Variants in EXT1 observed in about 807,000 individuals in gnomAD.
EXT1 encodes the protein exostosin glycosyltransferase 1.
Under a neutral mutation model 82.5 loss-of-function variants are expected in EXT1, and 20 were observed. That is an observed-to-expected ratio of 0.24 (90% CI 0.17 to 0.35). The LOEUF (loss-of-function observed/expected upper bound fraction) is 0.35. EXT1 is among the 10% of genes least tolerant of loss of function. The probability of loss-of-function intolerance (pLI) is 1.00; values close to 1 mark genes in which losing one functional copy is unlikely to be tolerated. For synonymous variants in EXT1, 348 were observed against 350.8 expected (o/e 0.99, Z 0.09); for missense variants, 757 against 936.5 (o/e 0.81, Z 2.50).
At chr8:117,960,376 C>T (rs960836794) in intron 1 of EXT1, among the ~76,000 whole-genome samples, 2 of 152,164 alleles carry the variant, frequency 1.3e-5, no homozygotes, top group African/African-American at 4.8e-5. Context: ...CATTTTAACT[C>T]CACCTCAACT....
intron 1 of EXT1, among the ~76,000 whole-genome samples, chr8:117,884,607 T>C (rs947992974): frequency 6.6e-6 from 1 of 152,238 alleles, no homozygotes; most frequent in South Asian, 2.1e-4. Context: ...ACAGTCTCTA[T>C]ACTTTTCTTA....
At chr8:117,994,221 T>C (rs1292280857) in intron 1 of EXT1, among the ~76,000 whole-genome samples, 3 of 152,210 alleles carry the variant, frequency 2.0e-5, no homozygotes, top group African/African-American at 7.2e-5. Flanking sequence ...GAATACGTCA[T>C]CATCATAAGA....
At chr8:117,932,341 T>C (rs553276919) in intron 1 of EXT1, among the ~76,000 whole-genome samples, 3 of 152,302 alleles carry the variant, frequency 2.0e-5, no homozygotes, top group South Asian at 2.1e-4. Context: ...TTTACAGATT[T>C]ACCTGGTAAA....
chr8:117,964,052 T>G (rs1036542182), intron 1 of EXT1, among the ~76,000 whole-genome samples: 5 of 152,214 alleles, frequency 3.3e-5, no homozygotes, highest in African/African-American at 1.2e-4. Context: ...CAGTATTAAG[T>G]AGAAACCACT....
chr8:117,976,353 C>T (rs6999997), intron 1 of EXT1, among the ~76,000 whole-genome samples: 33 of 152,180 alleles, frequency 2.2e-4, no homozygotes, highest in African/African-American at 7.5e-4. Flanking sequence ...ATAAATAGTC[C>T]CAAACTGGAG....
At chr8:117,831,725 G>A in intron 3 of EXT1, 3 of 467,830 alleles carry the variant, frequency 6.4e-6, no homozygotes, top group South Asian at 3.1e-5. Context: ...GACTAAGACT[G>A]TAACAGAGTT....
At chr8:118,027,313 T>TCACACA (rs71307421) in intron 1 of EXT1, among the ~76,000 whole-genome samples, 168 of 145,516 alleles carry the variant, frequency 1.2e-3, no homozygotes, top group South Asian at 2.9e-3. Flanking sequence ...TCAGTTTCTT[T>TCACACA]CACACACACA....
rs188692805 is a variant in EXT1, at chr8:117,886,774, G to A, written c.963-49573C>T. On this transcript the variant is annotated intron_variant, in intron 1 of 10. Transcript: ENST00000378204. ...CCATTCCCATTTGTCAATTTCAGAA[G>A]GGGTGGTTTCTACCTGCTATGAAGT... Among the ~76,000 whole-genome samples, 1,040 of 152,280 alleles carry A rather than the reference G, an allele frequency of 6.8e-3. 12 individuals carry two copies. Among genetic ancestry groups the A allele is most frequent in the African/African-American group, 0.024 (993 of 41,550 alleles).
chr8:117,860,197 G>C (rs992436673), intron 1 of EXT1, among the ~76,000 whole-genome samples: 1 of 144,520 alleles, frequency 6.9e-6, no homozygotes. Flanking sequence ...CATGCCTTTT[G>C]TAGCAACATG....
intron 5 of EXT1, among the ~76,000 whole-genome samples, chr8:117,822,053 C>A (rs1020417862): frequency 6.6e-6 from 1 of 152,030 alleles, no homozygotes; most frequent in African/African-American, 2.4e-5. Context: ...TTAGTTATTT[C>A]TCCTTTCCTC....
chr8:117,993,818 A>C (rs1012495688), intron 1 of EXT1, among the ~76,000 whole-genome samples: 1 of 152,220 alleles, frequency 6.6e-6, no homozygotes, highest in African/African-American at 2.4e-5. Flanking sequence ...CTTGCGGAGA[A>C]TACTTCAGGA....
intron 5 of EXT1, among the ~76,000 whole-genome samples, chr8:117,822,174 T>C (rs940567303): frequency 2.0e-5 from 3 of 152,174 alleles, no homozygotes; most frequent in Non-Finnish European, 2.9e-5. Context: ...AGCTAACCCA[T>C]TGCCATGTTC....
At chr8:117,856,248 TTTTC>T (rs1380517898) in intron 1 of EXT1, among the ~76,000 whole-genome samples, 3 of 149,988 alleles carry the variant, frequency 2.0e-5, no homozygotes, top group Admixed American at 1.3e-4. Context: ...GAGTAAGGCT[TTTTC>T]TTTTTTTTTT....
At chr8:117,969,021 C>G (rs147519208) in intron 1 of EXT1, among the ~76,000 whole-genome samples, 4 of 152,146 alleles carry the variant, frequency 2.6e-5, no homozygotes, top group Non-Finnish European at 4.4e-5. Context: ...AAAGCAGACC[C>G]AGTCCAGAGG....
intron 1 of EXT1, among the ~76,000 whole-genome samples, chr8:118,058,545 CTGTT>C (rs1298519561): frequency 2.6e-5 from 4 of 152,150 alleles, no homozygotes; most frequent in African/African-American, 7.2e-5. Context: ...ACATCTAAGA[CTGTT>C]TGGAGTTCAT....
At chr8:118,011,086 T>G (rs1036420342) in intron 1 of EXT1, among the ~76,000 whole-genome samples, 2 of 145,172 alleles carry the variant, frequency 1.4e-5, no homozygotes, top group Non-Finnish European at 3.1e-5. Flanking sequence ...CTATGGCTAT[T>G]TGTCAGCATA....
chr8:117,858,766 A>AAGGAAGGAAGGAAGGAAGGCAGGCAGGC (rs1289892313), intron 1 of EXT1, among the ~76,000 whole-genome samples: 2 of 54,674 alleles, frequency 3.7e-5, no homozygotes, highest in African/African-American at 2.0e-4. Flanking sequence ...GGAAGGAAGG[A>AAGGAAGGAAGGAAGGAAGGCAGGCAGGC]AGGCAGGCAG....
At position 117,822,463 on chromosome 8, in the gene EXT1, A is replaced by G; in HGVS notation, c.1417+2T>C. On this transcript the variant is annotated splice_donor_variant, in intron 5 of 10. Transcript: ENST00000378204. LOFTEE classifies it high-confidence loss of function. ...GCAACTCCCTGGAGGAAATTCACTT[A>G]CCTAAATTAGCATAGTAGTAAGGAA... The G allele has an allele frequency of 6.2e-7, 1 of 1,612,984 alleles. No individual in the cohort carries two copies. Among genetic ancestry groups the G allele is most frequent in the Non-Finnish European group, 8.5e-7 (1 of 1,179,670 alleles).
intron 1 of EXT1, among the ~76,000 whole-genome samples, chr8:117,969,687 G>A (rs1814899110): frequency 6.6e-6 from 1 of 152,234 alleles, no homozygotes; most frequent in East Asian, 1.9e-4. Flanking sequence ...GCAGTGGTGT[G>A]TGTGTGTGCG....
Sources: gnomAD v4.1 joint callset for allele counts (sites outside exome capture counted in the v4.1 genomes callset) on GRCh38, gnomAD v4.1.1 for gene constraint, MANE v1.5 for transcripts, NCBI Gene and HGNC (gene_info 2026-07-23, HGNC 2026-07-21) for gene names.